CAPN2: variants seen among roughly 807,000 people sequenced by gnomAD.
CAPN2 encodes the protein calpain-2 catalytic subunit.
A neutral mutation model predicts 102.3 loss-of-function variants in CAPN2; 92 were observed. The ratio of observed to expected loss-of-function variants is 0.90; its 90% CI spans 0.76 to 1.07. The LOEUF (loss-of-function observed/expected upper bound fraction) is 1.07. Among genes scored for constraint, CAPN2 ranks in the 50% least tolerant of loss-of-function variants. CAPN2 has a pLI of 0.00. For missense variants in CAPN2, 800 were observed against 909.4 expected (o/e 0.88, Z 1.55); for synonymous variants, 340 against 355.4 (o/e 0.96, Z 0.49).
At chr1:223,741,468 A>T (rs6669080) in intron 2 of CAPN2, among the ~76,000 whole-genome samples, 85,787 of 138,086 alleles carry the variant, frequency 0.62, 28,960 homozygotes, top group Non-Finnish European at 0.76. Context: ...ATATATATAT[A>T]TTTGAGAGGG....
intron 6 of CAPN2, among the ~76,000 whole-genome samples, chr1:223,749,780 C>T (rs979004754): frequency 6.6e-6 from 1 of 152,032 alleles, no homozygotes; most frequent in Non-Finnish European, 1.5e-5. Flanking sequence ...TTTGGGAGAC[C>T]GAGGTGGGAG....
At chr1:223,771,577 C>CTT in intron 18 of CAPN2, 1 of 488,748 alleles carries the variant, frequency 2.0e-6, no homozygotes, top group Admixed American at 3.8e-5. Flanking sequence ...CAAGAAAACA[C>CTT]TTATGTGTCA....
At chr1:223,749,258 TCCGCG>T (rs1660827838) in intron 6 of CAPN2, 136 bp downstream of exon 6, 6 of 717,544 alleles carry the variant, frequency 8.4e-6, no homozygotes, top group Non-Finnish European at 1.4e-5. Context: ...CTCCTGAAGT[TCCGCG>T]CGGGAGGAGA....
intron 2 of CAPN2, among the ~76,000 whole-genome samples, chr1:223,728,055 A>C (rs916493904): frequency 2.0e-5 from 3 of 151,470 alleles, no homozygotes; most frequent in Non-Finnish European, 4.4e-5. Flanking sequence ...GTATCTTACT[A>C]TCCCTGGCTC....
At chr1:223,772,093 A>G in intron 19 of CAPN2, 88 bp from the exon 20 acceptor site, 1 of 1,276,818 alleles carries the variant, frequency 7.8e-7, no homozygotes, top group East Asian at 2.3e-5. Context: ...TATGGTGGTC[A>G]GTGAAGTCAG....
chr1:223,767,313 AT>A (rs1284099485), intron 16 of CAPN2, among the ~76,000 whole-genome samples: 3 of 149,928 alleles, frequency 2.0e-5, no homozygotes, highest in Non-Finnish European at 4.4e-5. Flanking sequence ...AGCATTAGGT[AT>A]ATCTCCCAAT....
chr1:223,719,516 G>T (rs867784231), intron 2 of CAPN2, among the ~76,000 whole-genome samples: 1 of 152,130 alleles, frequency 6.6e-6, no homozygotes, highest in Non-Finnish European at 1.5e-5. Flanking sequence ...TTCAGCCGGG[G>T]TGACAGAGAG....
chr1:223,707,271 T>C (rs1467506730), intron 1 of CAPN2, among the ~76,000 whole-genome samples: 1 of 152,074 alleles, frequency 6.6e-6, no homozygotes, highest in Non-Finnish European at 1.5e-5. Context: ...TCTCTCTCTC[T>C]TTCTATCTCT....
At chr1:223,710,653 G>A (rs28739568), upstream of CAPN2, among the ~76,000 whole-genome samples, 2,017 of 152,334 alleles carry the variant, frequency 0.013, 23 homozygotes, top group Middle Eastern at 0.054. Context: ...AAGCCTGCTA[G>A]CTAAAAGCTT....
At chr1:223,771,327 C>G (rs1269571223) in intron 18 of CAPN2, 1 of 154,816 alleles carries the variant, frequency 6.5e-6, no homozygotes, top group African/African-American at 2.4e-5. Flanking sequence ...ATCACAAGGC[C>G]TCTGTTGACT....
chr1:223,750,831 C>A (rs1049791697), intron 6 of CAPN2, 59 bp from the exon 7 acceptor site: 21 of 1,490,074 alleles, frequency 1.4e-5, no homozygotes, highest in Admixed American at 2.0e-5. Context: ...GAGGCCCAAG[C>A]CTTCATAGCC....
intron 2 of CAPN2, among the ~76,000 whole-genome samples, chr1:223,736,214 C>G (rs1660453474): frequency 6.6e-6 from 1 of 152,302 alleles, no homozygotes; most frequent in East Asian, 1.9e-4. Context: ...GGGCAGCACA[C>G]AGCCCTGGGC....
At chr1:223,768,857 T>C (rs916104388) in intron 16 of CAPN2, among the ~76,000 whole-genome samples, 9 of 152,046 alleles carry the variant, frequency 5.9e-5, no homozygotes, top group African/African-American at 2.2e-4. Flanking sequence ...TCCTCTTTTA[T>C]TTCCTTGAGC....
Position 223,755,378 on chromosome 1 carries a change from C to T in CAPN2, c.1136-102C>T. ...ACCACCTCCCACCATCTCCCTTTAT[C>T]TCCATCCCTCTCAGAAGCCTCCAAG... is the stretch of plus-strand genomic sequence containing the variant. On this transcript the variant is annotated intron_variant, in intron 9 of 20. Transcript: ENST00000295006. The surrounding 1 kb of genome is among the most constrained non-coding windows in gnomAD (Gnocchi z 4.1). The T allele has an allele frequency of 8.7e-7, 1 of 1,152,928 alleles. No homozygotes were observed. Among genetic ancestry groups the T allele is most frequent in the Non-Finnish European group, 1.3e-6 (1 of 794,248 alleles). The allele number at this position is 1,152,928 out of a possible 1,614,324, so 71.4% of individuals were successfully genotyped here.
At position 223,761,576 on chromosome 1, in the gene CAPN2, T is replaced by C. The variant is rs1418354116; in HGVS notation, c.1530-5T>C. 1 of 1,612,312 alleles carries C rather than the reference T, an allele frequency of 6.2e-7. No individual in the cohort carries two copies. Among genetic ancestry groups the C allele is most frequent in the African/African-American group, 1.3e-5 (1 of 74,858 alleles). The stretch of plus-strand genomic sequence containing the variant: ...CAGTAACACATAATTTCCTTCTATT[T>C]CCAGAGCTGTCGATGATGAAATCGA... On this transcript the variant is annotated splice_region_variant and splice_polypyrimidine_tract_variant and intron_variant, in intron 12 of 20. Coordinates refer to ENST00000295006, the MANE Select transcript of CAPN2 (RefSeq NM_001748.5).
rs185870911 is a variant in CAPN2 at position 223,703,098 on chromosome 1, T to G, written c.3+1267T>G. On this transcript the variant is annotated intron_variant, in intron 1 of 20. Coordinates refer to the CAPN2 transcript ENST00000433674. ...TGTTCATTTTCTCCCCCATTTGCTCTGCAAACCACATTGCCCCTGTCTAGG... is the reference window on the plus strand; with the variant it reads ...TGTTCATTTTCTCCCCCATTTGCTCGGCAAACCACATTGCCCCTGTCTAGG... Among the ~76,000 whole-genome samples the G allele has an allele frequency of 9.4e-4, 143 of 152,334 alleles. 1 individual carries two copies. The highest frequency in any genetic ancestry group is 3.2e-3 in the African/African-American group (135 of 41,590).
Position 223,759,474 on chromosome 1 carries a change from G to A in CAPN2, c.1522G>A (p.Asp508Asn). Residue 508 changes from aspartate (D) to asparagine (N), a missense_variant, in exon 12 of 21, where the codon GAC (aspartate) becomes AAC (asparagine). Asp to Asn is a conservative substitution (Grantham distance 23). Transcript: ENST00000295006. This position sits in a 1 kb window ranked among gnomAD's most constrained non-coding sequence, Gnocchi z 4.6. ...CCGGGTCTTTTCTGAAAAGAAAGCT[G>A]ACTACCAGTAGGCGGTTTGGTCCCT... ...CIRVFSEKKADYQAVDDEIEA... is the reference protein window; with the variant it reads ...CIRVFSEKKANYQAVDDEIEA... The A allele has an allele frequency of 6.2e-7, 1 of 1,613,836 alleles. No individual in the cohort carries two copies. The highest frequency in any genetic ancestry group is 8.5e-7 in the Non-Finnish European group (1 of 1,179,974).
chr1:223,765,496 T>C (rs994831022), intron 15 of CAPN2, among the ~76,000 whole-genome samples: 1 of 152,222 alleles, frequency 6.6e-6, no homozygotes, highest in Non-Finnish European at 1.5e-5. Context: ...TAAAGCCTCA[T>C]TGTTTCTGCA....
chr1:223,734,775 A>C (rs1192332129), intron 2 of CAPN2, among the ~76,000 whole-genome samples: 1 of 152,244 alleles, frequency 6.6e-6, no homozygotes, highest in African/African-American at 2.4e-5. Context: ...GAAAAGAGCA[A>C]ACACTTGGAG....
Sources: allele counts gnomAD v4.1 joint callset (sites outside exome capture counted in the v4.1 genomes callset), GRCh38; gene constraint gnomAD v4.1.1; non-coding constraint Gnocchi (gnomAD v3.1); transcripts MANE v1.5; gene names NCBI Gene and HGNC (gene_info 2026-07-23, HGNC 2026-07-21).